WDR27: variants seen among roughly 807,000 people sequenced by gnomAD.
The protein encoded by WDR27 is WD repeat-containing protein 27.
In WDR27, 100 loss-of-function variants were observed where a neutral mutation model predicts 114.4. The ratio of observed to expected loss-of-function variants is 0.87; its 90% confidence interval spans 0.74 to 1.03. The LOEUF is 1.03. WDR27 is among the 50% of genes least tolerant of loss of function. The pLI, the probability that WDR27 is intolerant of heterozygous loss-of-function variation, is 0.00. For synonymous variants in WDR27, 449 were observed against 423.1 expected (o/e 1.06, Z -0.75); for missense variants, 1,129 against 1,092.9 (o/e 1.03, Z -0.47).
intron 22 of WDR27, among the ~76,000 whole-genome samples, chr6:169,608,329 T>C (rs1809711977): frequency 1.3e-5 from 2 of 152,148 alleles, no homozygotes; most frequent in African/African-American, 4.8e-5. Flanking sequence ...CCAATCTAAG[T>C]GCCCATCGAC....
chr6:169,582,906 G>T lies in WDR27; in HGVS notation c.2453C>A (p.Thr818Lys), dbSNP rs371392327. 6.2e-7 allele frequency: 1 copy of T among 1,613,918 alleles called. No individual in the cohort carries two copies. Among genetic ancestry groups the T allele is most frequent in the Non-Finnish European group, 8.5e-7 (1 of 1,179,882 alleles). Residue 818 changes from threonine (T) to lysine (K), a missense_variant, in exon 24 of 26, where the codon ACG (threonine) becomes AAG (lysine). Transcript: ENST00000448612. ...HAYVYEMGSS[T>K]FSHRLAGHTD... is the part of the protein sequence containing the mutation. Reference sequence around the variant, plus strand: ...GTGCCCAGCCAGCCGGTGAGAAAACGTGCTTGAGCCCATTTCATACACGTA... The same window carrying T: ...GTGCCCAGCCAGCCGGTGAGAAAACTTGCTTGAGCCCATTTCATACACGTA...
downstream of WDR27, among the ~76,000 whole-genome samples, chr6:169,454,215 T>G (rs1039108663): frequency 2.2e-4 from 34 of 152,226 alleles, no homozygotes; most frequent in African/African-American, 6.5e-4. Context: ...CATATTTGTG[T>G]GAGCTATATG....
At chr6:169,622,535 A>G (rs971937416) in intron 21 of WDR27, among the ~76,000 whole-genome samples, 2 of 152,250 alleles carry the variant, frequency 1.3e-5, no homozygotes, top group Admixed American at 6.5e-5. Context: ...ATTTCACTGA[A>G]TGTTTATAGA....
At chr6:169,537,079 A>G (rs1282148151) in intron 25 of WDR27, among the ~76,000 whole-genome samples, 3 of 152,272 alleles carry the variant, frequency 2.0e-5, no homozygotes. Context: ...CAGGAGGCCT[A>G]TTATCCTCAT....
chr6:169,502,049 C>T (rs372609047), intron 25 of WDR27, among the ~76,000 whole-genome samples: 1 of 152,200 alleles, frequency 6.6e-6, no homozygotes, highest in African/African-American at 2.4e-5. Context: ...ATGCCCTGAA[C>T]GGAGCCGCAC....
chr6:169,611,605 G>A (rs1810549478), intron 22 of WDR27, among the ~76,000 whole-genome samples: 1 of 152,116 alleles, frequency 6.6e-6, no homozygotes, highest in Non-Finnish European at 1.5e-5. Flanking sequence ...AATGCATAGT[G>A]CAGCTGTACA....
chr6:169,434,969 T>G, the WDR27 span, among the ~76,000 whole-genome samples: 8 of 151,838 alleles, frequency 5.3e-5, no homozygotes, highest in Non-Finnish European at 1.2e-4. Flanking sequence ...GGTCTAGGAG[T>G]AAAAAATGGT....
chr6:169,601,911 T>C (rs1376699879), intron 23 of WDR27, among the ~76,000 whole-genome samples: 2 of 152,140 alleles, frequency 1.3e-5, no homozygotes, highest in Non-Finnish European at 2.9e-5. Context: ...CTAATTAATA[T>C]TATCATCTTG....
rs543404688 is a variant in WDR27, at chr6:169,566,342, G to T, written c.2645+6077C>A. 9.8e-5 allele frequency among the ~76,000 whole-genome samples: 15 copies of T among 152,308 alleles called. No homozygotes were observed. In the East Asian group the frequency reaches 1.9e-3, roughly 20 times the overall value. ...ACCTGGGCAGTGGTGAGGGCAAGGT[G>T]GTCTGACAGCCCTTGCTCCTGGCAG... On this transcript the variant is annotated intron_variant, in intron 25 of 25. Coordinates refer to ENST00000448612, the MANE Select transcript of WDR27 (RefSeq NM_182552.5).
intron 25 of WDR27, among the ~76,000 whole-genome samples, chr6:169,523,197 G>A (rs769359010): frequency 2.4e-4 from 37 of 151,842 alleles, no homozygotes; most frequent in Non-Finnish European, 3.7e-4. Context: ...TAGAAGAAAC[G>A]GATAAATTTC....
chr6:169,616,482 G>C (rs969148265), intron 21 of WDR27, among the ~76,000 whole-genome samples: 2 of 151,896 alleles, frequency 1.3e-5, no homozygotes, highest in Non-Finnish European at 1.5e-5. Context: ...GCAAGACTCC[G>C]TCTCCAAAAA....
chr6:169,628,679 GCGA>G (rs1238811785), intron 21 of WDR27, among the ~76,000 whole-genome samples: 2 of 152,186 alleles, frequency 1.3e-5, no homozygotes, highest in African/African-American at 4.8e-5. Context: ...CTCTCTGGCA[GCGA>G]TTCCACATCA....
chr6:169,488,247 A>C (rs1789217565), intron 25 of WDR27, among the ~76,000 whole-genome samples: 1 of 152,232 alleles, frequency 6.6e-6, no homozygotes, highest in Non-Finnish European at 1.5e-5. Context: ...CAGCGTCTCT[A>C]GCGTGGTTGC....
Position 169,629,753 on chromosome 6 carries a change from C to A in WDR27, c.2223+3194G>T, listed in dbSNP as rs893131515. On this transcript the variant is annotated intron_variant, in intron 21 of 25. Coordinates refer to ENST00000448612, the MANE Select transcript of WDR27 (RefSeq NM_182552.5). ...ACCAGCCTGGCCAACATGGTGAAAT[C>A]CCCTCTCTACTAAAAACACAAAAAT... Among the ~76,000 whole-genome samples, 7 of 151,778 alleles carry A rather than the reference C, an allele frequency of 4.6e-5. No individual in the cohort carries two copies. In the South Asian group the frequency reaches 1.3e-3, roughly 27 times the overall value.
intron 24 of WDR27, among the ~76,000 whole-genome samples, chr6:169,575,458 C>T (rs1196178374): frequency 6.6e-6 from 1 of 151,628 alleles, no homozygotes; most frequent in African/African-American, 2.4e-5. Context: ...CGTTTCTCTG[C>T]AAACGTGTTT....
In WDR27 at chr6:169,689,017, A is replaced by C. The variant is rs1783785407; in HGVS notation, c.-7-5T>G. ...TGGGGATTTTCCATCTTCAATCTGA[A>C]AACAAAAAGTACATATAAGATGACT... On this transcript the variant is annotated splice_region_variant and splice_polypyrimidine_tract_variant and intron_variant, in intron 1 of 25. Transcript: ENST00000448612. 6.2e-7 allele frequency: 1 copy of C among 1,604,156 alleles called. No homozygotes were observed. Among genetic ancestry groups the C allele is most frequent in the Admixed American group, 1.7e-5 (1 of 58,590 alleles).
At chr6:169,575,294 CTCTCTCCA>C (rs1247709772) in intron 24 of WDR27, among the ~76,000 whole-genome samples, 1 of 100,652 alleles carries the variant, frequency 9.9e-6, no homozygotes. Flanking sequence ...CCCTCCCTCC[CTCTCTCCA>C]TCCATCCATC....
At chr6:169,620,219 G>A (rs570747067) in intron 21 of WDR27, among the ~76,000 whole-genome samples, 1 of 152,144 alleles carries the variant, frequency 6.6e-6, no homozygotes, top group East Asian at 1.9e-4. Flanking sequence ...ACAAGAAAAT[G>A]AATCTTGGGA....
intron 21 of WDR27, among the ~76,000 whole-genome samples, chr6:169,618,254 ATT>A (rs1259355366): frequency 5.3e-5 from 8 of 152,196 alleles, no homozygotes; most frequent in African/African-American, 1.9e-4. Flanking sequence ...ACTTTTACAC[ATT>A]GTTTTTAATT....
Sources: allele counts gnomAD v4.1 joint callset (sites outside exome capture counted in the v4.1 genomes callset), GRCh38; gene constraint gnomAD v4.1.1; transcripts MANE v1.5; gene names NCBI Gene and HGNC (gene_info 2026-07-23, HGNC 2026-07-21).